Variants in TENM4 observed in about 807,000 individuals in gnomAD.
TENM4 encodes teneurin-4.
Under a neutral mutation model 243.3 loss-of-function variants are expected in TENM4, and 82 were observed. The ratio of observed to expected loss-of-function variants is 0.34; its 90% confidence interval spans 0.28 to 0.40. The LOEUF (loss-of-function observed/expected upper bound fraction) is 0.40. Ranked by LOEUF, TENM4 falls within the 10% of genes least tolerant of loss-of-function variation. The pLI, the probability that TENM4 is intolerant of heterozygous loss-of-function variation, is 1.00. For missense variants in TENM4, 3,138 were observed against 3,673.3 expected (o/e 0.85, Z 3.77); for synonymous variants, 1,412 against 1,456.3 (o/e 0.97, Z 0.69).
At chr11:79,242,357 C>G (rs2135283685) in intron 2 of TENM4, among the ~76,000 whole-genome samples, 1 of 151,654 alleles carries the variant, frequency 6.6e-6, no homozygotes, top group East Asian at 1.9e-4. Flanking sequence ...CACCGATGAC[C>G]AATAGTTTCC....
chr11:79,320,905 A>T (rs1383097280), intron 1 of TENM4, among the ~76,000 whole-genome samples: 1 of 152,178 alleles, frequency 6.6e-6, no homozygotes, highest in East Asian at 1.9e-4. Context: ...AGGGCTAAAA[A>T]CTGAGCTAGG....
chr11:78,997,293 G>A (rs1858199861), intron 6 of TENM4, among the ~76,000 whole-genome samples: 1 of 152,156 alleles, frequency 6.6e-6, no homozygotes, highest in African/African-American at 2.4e-5. Flanking sequence ...ACTATTCTCT[G>A]GAGACTCAGG....
chr11:79,385,386 T>C (rs890603033), intron 1 of TENM4, among the ~76,000 whole-genome samples: 6 of 152,202 alleles, frequency 3.9e-5, no homozygotes, highest in Admixed American at 6.5e-5. Context: ...TCACATATTT[T>C]AGATCGGGAG....
chr11:78,920,330 A>G (rs1334521231), intron 6 of TENM4, among the ~76,000 whole-genome samples: 1 of 152,242 alleles, frequency 6.6e-6, no homozygotes, highest in East Asian at 1.9e-4. Context: ...ATAATGCTCT[A>G]CTACTATAAA....
At chr11:79,184,389 G>C (rs1863345468) in intron 3 of TENM4, among the ~76,000 whole-genome samples, 1 of 152,042 alleles carries the variant, frequency 6.6e-6, no homozygotes. Context: ...GTTAACAATA[G>C]GGTTCGCACT....
In TENM4 at chr11:79,171,742, T is replaced by C. The variant is rs144817837; in HGVS notation, c.-162-22936A>G. On this transcript the variant is annotated intron_variant, in intron 3 of 33. Coordinates refer to ENST00000278550, the MANE Select transcript of TENM4 (RefSeq NM_001098816.3). ...TGTAGAACGTAGCCTAAAATAATTG[T>C]GTAAGTTAATGAGCAAAGAAGAGTC... 2.0e-5 allele frequency among the ~76,000 whole-genome samples: 3 copies of C among 152,344 alleles called. No individual in the cohort carries two copies. In the East Asian group the frequency reaches 5.8e-4, roughly 29 times the overall value.
At chr11:78,897,639 G>C (rs550916823) in intron 7 of TENM4, among the ~76,000 whole-genome samples, 1 of 152,200 alleles carries the variant, frequency 6.6e-6, no homozygotes, top group Admixed American at 6.5e-5. Context: ...TTCATTTACA[G>C]GTCTGTCTCC....
rs773619098 is a variant in TENM4, at chr11:79,350,535, TCCTC to T, written c.-320-52996_-320-52993del. 1.9e-3 allele frequency among the ~76,000 whole-genome samples: 286 copies of T among 151,068 alleles called. 3 individuals carry two copies. Among genetic ancestry groups the T allele is most frequent in the Non-Finnish European group, 3.7e-4 (25 of 67,786 alleles). On this transcript the variant is annotated intron_variant, in intron 1 of 33. Transcript: ENST00000278550. ...GCCTCGAACATCTGGACTTCAGTGATCCTCCCATCTCAGCCTCTTGAGTAGCTAA... is the reference window on the plus strand; with the variant it reads ...GCCTCGAACATCTGGACTTCAGTGATCCATCTCAGCCTCTTGAGTAGCTAA...
At chr11:79,410,600 T>C (rs1363615867) in intron 1 of TENM4, among the ~76,000 whole-genome samples, 1 of 152,226 alleles carries the variant, frequency 6.6e-6, no homozygotes, top group African/African-American at 2.4e-5. Flanking sequence ...AACACATATG[T>C]ATGAACAGGC....
chr11:79,122,637 C>T (rs1861766297), intron 4 of TENM4, among the ~76,000 whole-genome samples: 1 of 152,128 alleles, frequency 6.6e-6, no homozygotes. Context: ...GGTTTCTGGC[C>T]TGTAAGCCAG....
intron 6 of TENM4, among the ~76,000 whole-genome samples, chr11:78,917,262 C>T (rs1474998863): frequency 6.6e-6 from 1 of 152,178 alleles, no homozygotes; most frequent in African/African-American, 2.4e-5. Flanking sequence ...GAGTCCTTCC[C>T]AGCCTTTAGA....
At chr11:78,933,440 G>C (rs1347422187) in intron 6 of TENM4, among the ~76,000 whole-genome samples, 2 of 152,096 alleles carry the variant, frequency 1.3e-5, no homozygotes, top group African/African-American at 4.8e-5. Flanking sequence ...CTCAATTAAG[G>C]CATAATTAAA....
intron 4 of TENM4, among the ~76,000 whole-genome samples, chr11:79,118,322 C>T (rs973611311): frequency 6.6e-6 from 1 of 152,182 alleles, no homozygotes; most frequent in Non-Finnish European, 1.5e-5. Flanking sequence ...TTAGAGATGA[C>T]ATTTTATGTC....
rs1399159380 is a variant in TENM4 at position 79,438,320 on chromosome 11, G to C, written c.-321+2189C>G. 6.6e-6 allele frequency among the ~76,000 whole-genome samples: 1 copy of C among 152,208 alleles called. No individual in the cohort carries two copies. The highest frequency in any genetic ancestry group is 1.5e-5 in the Non-Finnish European group (1 of 68,042). ...CAAAGCCCATCAACGTGATACACAG[G>C]CTGCGGCGCTGGAGGGAAGCGGCGA... On this transcript the variant is annotated intron_variant, in intron 1 of 33. Coordinates refer to ENST00000278550, the MANE Select transcript of TENM4 (RefSeq NM_001098816.3). This position sits in a 1 kb window ranked among gnomAD's most constrained non-coding sequence, Gnocchi z 4.1.
intron 1 of TENM4, among the ~76,000 whole-genome samples, chr11:79,402,964 C>T (rs963691889): frequency 1.3e-5 from 2 of 152,172 alleles, no homozygotes; most frequent in Non-Finnish European, 2.9e-5. Context: ...CCATTCACTG[C>T]TCCAAATGAA....
At chr11:78,847,350 G>A (rs1442089408) in intron 12 of TENM4, among the ~76,000 whole-genome samples, 2 of 152,196 alleles carry the variant, frequency 1.3e-5, no homozygotes, top group Non-Finnish European at 2.9e-5. Flanking sequence ...TTCAGCAATC[G>A]AAGGTAAGAT....
intron 6 of TENM4, among the ~76,000 whole-genome samples, chr11:79,023,125 TA>T (rs1391090019): frequency 6.6e-6 from 1 of 152,244 alleles, no homozygotes; most frequent in Non-Finnish European, 1.5e-5. Flanking sequence ...TTAAAAAATT[TA>T]TTCATCTATT....
At chr11:79,307,740 A>T (rs1204921441) in intron 1 of TENM4, among the ~76,000 whole-genome samples, 4 of 152,148 alleles carry the variant, frequency 2.6e-5, no homozygotes, top group Admixed American at 2.6e-4. Context: ...TCTGTGTCTC[A>T]GCTGCCTTCT....
intron 1 of TENM4, among the ~76,000 whole-genome samples, chr11:79,298,657 A>G (rs1196362506): frequency 6.6e-6 from 1 of 152,150 alleles, no homozygotes; most frequent in Non-Finnish European, 1.5e-5. Context: ...CTACTATGTG[A>G]CAGCTATTGA....
Sources: allele counts gnomAD v4.1 joint callset (sites outside exome capture counted in the v4.1 genomes callset), GRCh38; gene constraint gnomAD v4.1.1; non-coding constraint Gnocchi (gnomAD v3.1); transcripts MANE v1.5; gene names NCBI Gene and HGNC (gene_info 2026-07-23, HGNC 2026-07-21).